The following ARF5 variants were observed in gnomAD, a reference collection of about 807,000 sequenced individuals.
ARF5 encodes ADP-ribosylation factor 5.
In ARF5, 10 loss-of-function variants were observed where a neutral mutation model predicts 24.8. The observed-to-expected ratio is 0.40, with a 90% confidence interval of 0.25 to 0.68. The LOEUF (loss-of-function observed/expected upper bound fraction) is 0.68, where lower values mean the gene tolerates loss of function less well. Among genes scored for constraint, ARF5 ranks in the 30% least tolerant of loss-of-function variants. The pLI, the probability that ARF5 is intolerant of heterozygous loss-of-function variation, is 0.36. For synonymous variants in ARF5, 102 were observed against 95.1 expected, an observed-to-expected ratio of 1.07 and a Z score of -0.42; for missense variants, 135 against 239.2, an observed-to-expected ratio of 0.56 and a Z score of 2.87.
Position 127,589,495 on chromosome 7 carries a change from AG to A in ARF5, c.160del (p.Glu54LysfsTer83). The stretch of plus-strand genomic sequence containing the variant: ...TCCAATTATCTGCAGGCTTCAATGT[AG>A]AAACAGTGGAATATAAGAACATCTG... The part of the protein sequence containing the change: ...TTIPTIGFNV[E>X]TVEYKNICFT... On this transcript the variant is annotated frameshift_variant, in exon 3 of 6. Coordinates refer to ENST00000000233, the MANE Select transcript of ARF5 (RefSeq NM_001662.4). LOFTEE classifies it high-confidence loss of function. 6.2e-7 allele frequency: 1 copy of A among 1,611,460 alleles called. No individual in the cohort carries two copies. The highest frequency in any genetic ancestry group is 8.5e-7 in the Non-Finnish European group (1 of 1,178,704).
At chr7:127,588,684 A>C in intron 1 of ARF5, 119 bp downstream of exon 1, 6 of 977,074 alleles carry the variant, frequency 6.1e-6, no homozygotes, top group Non-Finnish European at 8.3e-6. Flanking sequence ...CCCACCTCAT[A>C]ACGCCCCGGG....
In ARF5 at chr7:127,590,097, G is replaced by C; in HGVS notation, c.290G>C (p.Arg97Pro). The C allele has an allele frequency of 2.5e-6, 4 of 1,613,956 alleles. No individual in the cohort carries two copies. The highest frequency in any genetic ancestry group is 3.4e-6 in the Non-Finnish European group (4 of 1,179,940). The change falls in exon 4 of 6, where the codon CGG becomes CCG. Residue 97 changes from arginine to proline, a missense_variant. Around this residue, in one of 3 missense-constraint regions of ARF5, gnomAD observed 102 missense variants for 160.9 expected, o/e 0.63. Coordinates refer to ENST00000000233, the MANE Select transcript of ARF5 (RefSeq NM_001662.4). ...GLIFVVDSND[R>P]ERVQESADEL... is the part of the protein sequence containing the mutation. ...ATCTTTGTGGTGGACAGTAATGACC[G>C]GGAGCGGGTCCAAGAATCTGCTGAT...
At chr7:127,591,123 C>G (rs935178400) in intron 5 of ARF5, 35 bp downstream of exon 5, 13 of 1,612,444 alleles carry the variant, frequency 8.1e-6, no homozygotes, top group Non-Finnish European at 1.1e-5. Context: ...TGAATCCTGC[C>G]TCTTGAGGGA....
At chr7:127,591,188 C>T (rs2117418790) in intron 5 of ARF5, 25 bp from the exon 6 acceptor site, 1 of 1,607,064 alleles carries the variant, frequency 6.2e-7, no homozygotes, top group African/African-American at 1.3e-5. Context: ...TGGTTGCTGA[C>T]CTCTTTCTTT....
chr7:127,590,932 C>G, intron 4 of ARF5, 31 bp from the exon 5 acceptor site: 1 of 1,601,868 alleles, frequency 6.2e-7, no homozygotes. Flanking sequence ...GAGACGCAGC[C>G]TGGGTCCCAC....
intron 1 of ARF5, 171 bp downstream of exon 1, chr7:127,588,736 CG>C: frequency 1.5e-6 from 1 of 673,556 alleles, no homozygotes; most frequent in Non-Finnish European, 2.3e-6. Context: ...TCGCCGACCC[CG>C]GGGCCTGACA....
intron 2 of ARF5, 85 bp downstream of exon 2, chr7:127,589,248 C>A: frequency 6.9e-7 from 1 of 1,444,932 alleles, no homozygotes; most frequent in Non-Finnish European, 9.7e-7. Flanking sequence ...TTTTCTGGAG[C>A]TGACCCTGAC....
Position 127,588,471 on chromosome 7 carries a change from G to T in ARF5, c.-28G>T. 1 of 1,413,528 alleles carries T rather than the reference G, an allele frequency of 7.1e-7. No individual in the cohort carries two copies. Among genetic ancestry groups the T allele is most frequent in the East Asian group, 3.0e-5 (1 of 33,688 alleles). The allele number at this position is 1,413,528 out of a possible 1,614,324, so 87.6% of individuals were successfully genotyped here. On this transcript the variant is annotated 5_prime_UTR_variant, in exon 1 of 6. Transcript: ENST00000000233. ...CAGTTCCAGCCCGCACCCCGCGTCG[G>T]TGCCCGCGCCCCTCCCCGGGCCCCG...
Position 127,588,519 on chromosome 7 carries a change from G to A in ARF5, c.21G>A (p.Ala7=). The change falls in exon 1 of 6, where the codon GCG becomes GCA. Residue 7 remains alanine (A), a synonymous_variant. Transcript: ENST00000000233. MGLTVS[A]LFSRIFGKKQ... Reference sequence around the variant, plus strand: ...CCGCCATGGGCCTCACCGTGTCCGCGCTCTTTTCGCGGATCTTCGGGAAGA... The same window carrying A: ...CCGCCATGGGCCTCACCGTGTCCGCACTCTTTTCGCGGATCTTCGGGAAGA... 3 of 1,465,666 alleles carry A rather than the reference G, an allele frequency of 2.0e-6. No homozygotes were observed. The highest frequency in any genetic ancestry group is 9.1e-7 in the Non-Finnish European group (1 of 1,098,308). 90.8% of individuals were successfully genotyped at this position (1,465,666 alleles called of 1,614,324 possible).
At chr7:127,590,019 C>A in intron 3 of ARF5, 47 bp from the exon 4 acceptor site, 1 of 1,522,390 alleles carries the variant, frequency 6.6e-7, no homozygotes, top group Non-Finnish European at 9.1e-7. Flanking sequence ...ACGGTATGTC[C>A]CAGGCAGAAG....
chr7:127,588,440 G>C lies in ARF5; in HGVS notation c.-59G>C. ...TGCTGCTGCGCCCCATCCCCCCGCG[G>C]CCGGCCAGTTCCAGCCCGCACCCCG... On this transcript the variant is annotated 5_prime_UTR_variant, in exon 1 of 6. Coordinates refer to ENST00000000233, the MANE Select transcript of ARF5 (RefSeq NM_001662.4). 8.6e-7 allele frequency: 1 copy of C among 1,165,378 alleles called. No individual in the cohort carries two copies. The highest frequency in any genetic ancestry group is 1.6e-5 in the African/African-American group (1 of 62,182). 72.2% of individuals were successfully genotyped at this position (1,165,378 alleles called of 1,614,324 possible).
intron 5 of ARF5, 46 bp from the exon 6 acceptor site, chr7:127,591,166 TC>T (rs1794282029): frequency 1.9e-6 from 3 of 1,606,528 alleles, no homozygotes; most frequent in South Asian, 2.2e-5. Context: ...ATAAAGGCAT[TC>T]CTTTTGTTCC....
At chr7:127,590,331 T>G (rs1794264878) in intron 4 of ARF5, among the ~76,000 whole-genome samples, 194 bp downstream of exon 4, 1 of 152,038 alleles carries the variant, frequency 6.6e-6, no homozygotes, top group African/African-American at 2.4e-5. Flanking sequence ...GTGCATTGTC[T>G]TGTCTTTTTT....
rs756556208 is a variant in ARF5 at position 127,588,480 on chromosome 7, CCCCT to C, written c.-15_-12del. 2 of 1,430,528 alleles carry C rather than the reference CCCCT, an allele frequency of 1.4e-6. No homozygotes were observed. The highest frequency in any genetic ancestry group is 1.9e-6 in the Non-Finnish European group (2 of 1,080,616). 88.6% of individuals were successfully genotyped at this position (1,430,528 alleles called of 1,614,324 possible). ...CCCGCACCCCGCGTCGGTGCCCGCG[CCCCT>C]CCCCGGGCCCCGCCATGGGCCTCAC... On this transcript the variant is annotated 5_prime_UTR_variant, in exon 1 of 6. Coordinates refer to ENST00000000233, the MANE Select transcript of ARF5 (RefSeq NM_001662.4).
At chr7:127,591,190 T>A (rs758633454) in intron 5 of ARF5, 23 bp from the exon 6 acceptor site, 2 of 1,606,860 alleles carry the variant, frequency 1.2e-6, no homozygotes, top group African/African-American at 2.7e-5. Context: ...GTTGCTGACC[T>A]CTTTCTTTCC....
At position 127,588,926 on chromosome 7, in the gene ARF5, C is replaced by T. The variant is rs372788567; in HGVS notation, c.68-157C>T. ...TTTGGAGTTGGCTCACGCCACCCGA[C>T]TGCCCTCCAGGCCTCAAAGGTAGAT... On this transcript the variant is annotated intron_variant, in intron 1 of 5. Coordinates refer to ENST00000000233, the MANE Select transcript of ARF5 (RefSeq NM_001662.4). 7 of 817,962 alleles carry T rather than the reference C, an allele frequency of 8.6e-6. No homozygotes were observed. In the East Asian group the frequency reaches 1.1e-4, roughly 12 times the overall value. 50.7% of individuals were successfully genotyped at this position (817,962 alleles called of 1,614,324 possible). A position where few individuals can be genotyped will look rare whatever the true frequency, so the allele number is the denominator to read the frequency against.
Position 127,591,206 on chromosome 7 carries a change from C to T in ARF5, c.457-7C>T. ...TTGCTGACCTCTTTCTTTCCTTTTCCCCACAGTGGTATGTCCAGGCCACCT... is the reference window on the plus strand; with the variant it reads ...TTGCTGACCTCTTTCTTTCCTTTTCTCCACAGTGGTATGTCCAGGCCACCT... On this transcript the variant is annotated splice_polypyrimidine_tract_variant and splice_region_variant and intron_variant, in intron 5 of 5. Coordinates refer to ENST00000000233, the MANE Select transcript of ARF5 (RefSeq NM_001662.4). The T allele has an allele frequency of 6.2e-7, 1 of 1,607,384 alleles. No homozygotes were observed. Among genetic ancestry groups the T allele is most frequent in the Non-Finnish European group, 8.5e-7 (1 of 1,177,894 alleles).
chr7:127,589,644 G>T, intron 3 of ARF5, 50 bp downstream of exon 3: 2 of 1,451,280 alleles, frequency 1.4e-6, no homozygotes. Context: ...AGGTGTTAGG[G>T]CTGGGAGAAC....
intron 3 of ARF5, 71 bp downstream of exon 3, chr7:127,589,665 G>T (rs761391070): frequency 7.7e-7 from 1 of 1,304,864 alleles, no homozygotes. Context: ...AGAATTGTTG[G>T]CCTAGGCTGG....
Sources: allele counts gnomAD v4.1 joint callset (sites outside exome capture counted in the v4.1 genomes callset), GRCh38; gene constraint gnomAD v4.1.1; regional missense constraint gnomAD v4.1.1; transcripts MANE v1.5; gene names NCBI Gene and HGNC (gene_info 2026-07-23, HGNC 2026-07-21).